The following WDR62 variants were observed in gnomAD, a reference collection of about 807,000 sequenced individuals.
The protein encoded by WDR62 is WD repeat domain 62.
WDR62 carries 112 observed loss-of-function variants against 160.6 expected under a neutral mutation model. That is an observed-to-expected ratio of 0.70 (90% confidence interval 0.60 to 0.82). The LOEUF is 0.82. WDR62 is among the 40% of genes least tolerant of loss of function. The probability of loss-of-function intolerance (pLI) is 0.00; values close to 1 mark genes in which losing one functional copy is unlikely to be tolerated. For synonymous variants in WDR62, 792 were observed against 815.1 expected, an observed-to-expected ratio of 0.97 and a Z score of 0.48; for missense variants, 1,819 against 1,983.8, an observed-to-expected ratio of 0.92 and a Z score of 1.58.
At chr19:36,080,350 G>A (rs931578045) in intron 9 of WDR62, among the ~76,000 whole-genome samples, 5 of 151,598 alleles carry the variant, frequency 3.3e-5, no homozygotes, top group African/African-American at 4.8e-5. Flanking sequence ...TCCTGACCTC[G>A]TGATCCTCCC....
At chr19:36,057,308 A>G (rs963817957) in intron 1 of WDR62, among the ~76,000 whole-genome samples, 5 of 151,996 alleles carry the variant, frequency 3.3e-5, no homozygotes, top group Admixed American at 3.3e-4. Flanking sequence ...TTGGGGTAAT[A>G]TTTATTTATT....
At chr19:36,095,358 T>A (rs1568361408) in intron 20 of WDR62, among the ~76,000 whole-genome samples, 2 of 152,156 alleles carry the variant, frequency 1.3e-5, no homozygotes, top group Non-Finnish European at 2.9e-5. Context: ...AGTCTTAGGG[T>A]TGTGTGGCTC....
rs918097761 is a variant in WDR62, at chr19:36,104,593, C to T, written c.4229C>T (p.Ser1410Phe). 3 of 1,613,764 alleles carry T rather than the reference C, an allele frequency of 1.9e-6. No homozygotes were observed. Among genetic ancestry groups the T allele is most frequent in the South Asian group, 1.1e-5 (1 of 91,076 alleles). The change falls in exon 31 of 32, where the codon TCT (serine) becomes TTT (phenylalanine). Residue 1410 changes from serine (S) to phenylalanine (F), a missense_variant. Ser to Phe is a radical substitution (Grantham distance 155). Coordinates refer to ENST00000401500, the MANE Select transcript of WDR62 (RefSeq NM_001083961.2). ...PWVPVEALPPSPLELSRVGNI... is the reference protein window; with the variant it reads ...PWVPVEALPPFPLELSRVGNI... ...GTGCCGGTTGAAGCCCTGCCCCCAT[C>T]TCCCCTTGAGCTGAGCAGGGTGGGG...
At chr19:36,079,006 T>C (rs1210228538) in intron 9 of WDR62, among the ~76,000 whole-genome samples, 3 of 151,880 alleles carry the variant, frequency 2.0e-5, no homozygotes, top group Non-Finnish European at 4.4e-5. Flanking sequence ...ATTTTAGAAG[T>C]TGGTGTGCTT....
Position 36,102,097 on chromosome 19 carries a change from C to A in WDR62, c.3166C>A (p.Gln1056Lys). The change falls in exon 26 of 32, where the codon CAG (glutamine) becomes AAG (lysine). Residue 1056 changes from glutamine to lysine, a missense_variant. Coordinates refer to ENST00000401500, the MANE Select transcript of WDR62 (RefSeq NM_001083961.2). ...PSSSLPQTPEQEKFLRHHFET... is the reference protein window; with the variant it reads ...PSSSLPQTPEKEKFLRHHFET... ...CAGCTCCCTACCCCAGACTCCGGAG[C>A]AGGAGAAGTTCCTCCGCCACCACTT... 6.2e-7 allele frequency: 1 copy of A among 1,614,182 alleles called. No individual in the cohort carries two copies. Among genetic ancestry groups the A allele is most frequent in the Non-Finnish European group, 8.5e-7 (1 of 1,180,034 alleles).
At chr19:36,068,275 T>C (rs1466619720) in intron 7 of WDR62, among the ~76,000 whole-genome samples, 2 of 152,208 alleles carry the variant, frequency 1.3e-5, no homozygotes, top group Non-Finnish European at 2.9e-5. Flanking sequence ...AAGGTGACAG[T>C]TGTTTTCCCA....
At chr19:36,071,746 G>A (rs1568335165) in intron 8 of WDR62, 30 bp downstream of exon 8, 12 of 1,601,746 alleles carry the variant, frequency 7.5e-6, no homozygotes, top group Non-Finnish European at 1.0e-5. Flanking sequence ...GGGAATGGGA[G>A]GGGCCCACCC....
At chr19:36,081,322 G>A in intron 9 of WDR62, 111 bp from the exon 10 acceptor site, 1 of 1,288,214 alleles carries the variant, frequency 7.8e-7, no homozygotes, top group Non-Finnish European at 1.1e-6. Context: ...AGAAGGTATT[G>A]CACGATACCT....
Position 36,101,937 on chromosome 19 carries a change from G to T in WDR62, c.3083-77G>T, listed in dbSNP as rs1009126542. 1.2e-5 allele frequency: 19 copies of T among 1,605,884 alleles called. No homozygotes were observed. In the African/African-American group the frequency reaches 2.4e-4, roughly 20 times the overall value. ...AACAGGGCAGGGATGGGTGGGGCCC[G>T]CTTTCTCCATTTCAGGTGGCGTCTG... On this transcript the variant is annotated intron_variant, in intron 25 of 31. Coordinates refer to ENST00000401500, the MANE Select transcript of WDR62 (RefSeq NM_001083961.2).
chr19:36,060,187 G>C, intron 3 of WDR62, 157 bp downstream of exon 3: 1 of 764,056 alleles, frequency 1.3e-6, no homozygotes, highest in East Asian at 2.5e-5. Flanking sequence ...TGTTCCGTGT[G>C]CTGGGGACAC....
chr19:36,105,784 C>T (rs746689892), downstream of WDR62, among the ~76,000 whole-genome samples: 41 of 152,042 alleles, frequency 2.7e-4, no homozygotes, highest in Middle Eastern at 3.2e-3. Context: ...CTGCAACCTC[C>T]GCCTCCCGGG....
chr19:36,107,753 G>A (rs1229333569), downstream of WDR62, among the ~76,000 whole-genome samples: 2 of 152,088 alleles, frequency 1.3e-5, no homozygotes, highest in African/African-American at 4.8e-5. Context: ...AGAGGATCCA[G>A]CATGTCTGCC....
At chr19:36,059,093 AG>A in intron 2 of WDR62, 4 of 683,654 alleles carry the variant, frequency 5.9e-6, no homozygotes, top group Non-Finnish European at 8.2e-6. Context: ...TTATGACTAC[AG>A]GGGGGAGGTG....
chr19:36,102,074 G>C lies in WDR62; in HGVS notation c.3143G>C (p.Ser1048Thr), dbSNP rs1404965427. ...SLPEGPSVPS[S>T]SLPQTPEQEK... ...CCCGAGGGACCCAGCGTCCCCAGCA[G>C]CTCCCTACCCCAGACTCCGGAGCAG... Residue 1048 changes from serine to threonine, a missense_variant, in exon 26 of 32, where the codon AGC (serine) becomes ACC (threonine). Ser to Thr is a moderately conservative substitution (Grantham distance 58). Transcript: ENST00000401500. 1 of 1,614,182 alleles carries C rather than the reference G, an allele frequency of 6.2e-7. No homozygotes were observed. Among genetic ancestry groups the C allele is most frequent in the Admixed American group, 1.7e-5 (1 of 60,028 alleles).
intron 10 of WDR62, 77 bp from the exon 11 acceptor site, chr19:36,082,986 G>T: frequency 7.6e-7 from 1 of 1,318,160 alleles, no homozygotes. Flanking sequence ...ACGAAGAAGA[G>T]ACTGGCTATG....
chr19:36,073,208 G>A, intron 8 of WDR62, 134 bp from the exon 9 acceptor site: 1 of 862,906 alleles, frequency 1.2e-6, no homozygotes, highest in Non-Finnish European at 1.9e-6. Context: ...AAGTAGAATT[G>A]GAGCAGGAGA....
intron 2 of WDR62, 32 bp from the exon 3 acceptor site, chr19:36,059,936 C>T: frequency 6.2e-7 from 1 of 1,612,780 alleles, no homozygotes; most frequent in African/African-American, 1.3e-5. Context: ...ACACTCCCCA[C>T]AGTTGAGGCA....
At chr19:36,055,334 C>T (rs1483550940) in intron 1 of WDR62, among the ~76,000 whole-genome samples, 186 bp downstream of exon 1, 1 of 152,102 alleles carries the variant, frequency 6.6e-6, no homozygotes, top group Non-Finnish European at 1.5e-5. Flanking sequence ...TCGCTGCTTT[C>T]CCGGCTCCAC....
At position 36,099,412 on chromosome 19, in the gene WDR62, A is replaced by G. The variant is rs781054797; in HGVS notation, c.2534A>G (p.Asp845Gly). 6.2e-7 allele frequency: 1 copy of G among 1,613,650 alleles called. No homozygotes were observed. The highest frequency in any genetic ancestry group is 1.1e-5 in the South Asian group (1 of 91,084). Reference protein sequence around the residue: ...LWAKRLLGDDDVADGLAFHAK... With the variant: ...LWAKRLLGDDGVADGLAFHAK... ...ATATCCTTCAAGCTAGGGGACGATG[A>G]TGTGGCAGATGGCTTGGCCTTCCAC... The change falls in exon 22 of 32, where the codon GAT (aspartate) becomes GGT (glycine). Residue 845 changes from aspartate to glycine, a missense_variant. Physicochemically the swap from Asp to Gly is moderately conservative, Grantham distance 94 (BLOSUM62 -1). This residue lies in a region of WDR62 where 934 missense variants were observed against 1,157.2 expected (regional missense o/e 0.81). Transcript: ENST00000401500.
Sources: gnomAD v4.1 joint callset for allele counts (sites outside exome capture counted in the v4.1 genomes callset) on GRCh38, gnomAD v4.1.1 for gene constraint, gnomAD v4.1.1 regional missense constraint, MANE v1.5 for transcripts, NCBI Gene and HGNC (gene_info 2026-07-23, HGNC 2026-07-21) for gene names.